Variants in ZNF410 observed in about 807,000 individuals in gnomAD.
ZNF410 encodes zinc finger protein 410.
In ZNF410, 18 loss-of-function variants were observed where a neutral mutation model predicts 54.8. The ratio of observed to expected loss-of-function variants is 0.33; its 90% CI spans 0.23 to 0.49. The LOEUF is 0.49. Among genes scored for constraint, ZNF410 ranks in the 20% least tolerant of loss-of-function variants. The pLI, the probability that ZNF410 is intolerant of heterozygous loss-of-function variation, is 0.99. For missense variants in ZNF410, 405 were observed against 569.6 expected (o/e 0.71, Z 2.94); for synonymous variants, 191 against 207.3 (o/e 0.92, Z 0.68).
At position 73,892,112 on chromosome 14, in the gene ZNF410, C is replaced by T; in HGVS notation, c.-64C>T. Reference sequence around the variant, plus strand: ...GAATATGAACATAACAGGAAGGTATCATTGGCTCTGAATTAAATTTGAACT... The same window carrying T: ...GAATATGAACATAACAGGAAGGTATTATTGGCTCTGAATTAAATTTGAACT... On this transcript the variant is annotated 5_prime_UTR_variant, in exon 2 of 12. Transcript: ENST00000555044. 3.9e-6 allele frequency: 6 copies of T among 1,528,116 alleles called. No individual in the cohort carries two copies. The highest frequency in any genetic ancestry group is 5.4e-6 in the Non-Finnish European group (6 of 1,101,674). The allele number at this position is 1,528,116 out of a possible 1,614,324, so 94.7% of individuals were successfully genotyped here.
At chr14:73,898,355 T>C (rs753847451) in intron 5 of ZNF410, 93 bp downstream of exon 5, 2 of 1,293,452 alleles carry the variant, frequency 1.5e-6, no homozygotes, top group East Asian at 2.5e-5. Flanking sequence ...ATTTAAATTA[T>C]TCTATTGATG....
intron 5 of ZNF410, among the ~76,000 whole-genome samples, chr14:73,900,615 T>C (rs2055390805): frequency 6.6e-6 from 1 of 152,138 alleles, no homozygotes; most frequent in Non-Finnish European, 1.5e-5. Flanking sequence ...CCCAAGGTGA[T>C]CTGCCTGCCT....
chr14:73,902,217 T>C (rs12590001), intron 5 of ZNF410: 127,949 of 151,184 alleles, frequency 0.85, 54,419 homozygotes, highest in East Asian at 0.94. Context: ...TACAGGCTCC[T>C]GCCACCATGC....
chr14:73,889,348 A>AT (rs1315829271), intron 1 of ZNF410, among the ~76,000 whole-genome samples: 1 of 144,692 alleles, frequency 6.9e-6, no homozygotes, highest in East Asian at 2.2e-4. Context: ...TAATTGAAAA[A>AT]TTTTTTTTTG....
chr14:73,929,531 A>G (rs900694310), intron 11 of ZNF410, among the ~76,000 whole-genome samples: 1 of 152,192 alleles, frequency 6.6e-6, no homozygotes, highest in Non-Finnish European at 1.5e-5. Flanking sequence ...CAAGAATATC[A>G]GAGAACAACC....
At chr14:73,900,710 A>G (rs1221950716) in intron 5 of ZNF410, among the ~76,000 whole-genome samples, 1 of 151,804 alleles carries the variant, frequency 6.6e-6, no homozygotes, top group Non-Finnish European at 1.5e-5. Context: ...AAATATATCA[A>G]TATTGCTTTC....
intron 1 of ZNF410, among the ~76,000 whole-genome samples, chr14:73,890,937 G>A (rs1194962413): frequency 6.6e-6 from 1 of 152,136 alleles, no homozygotes; most frequent in East Asian, 1.9e-4. Context: ...GAACCTGGGA[G>A]GCAGAGGTTG....
intron 8 of ZNF410, among the ~76,000 whole-genome samples, chr14:73,919,065 G>A (rs547553903): frequency 7.6e-6 from 1 of 131,872 alleles, no homozygotes; most frequent in Non-Finnish European, 1.5e-5. Flanking sequence ...GAGTGCAGTG[G>A]CATGATCTTG....
chr14:73,894,239 A>G, intron 3 of ZNF410: 1 of 673,984 alleles, frequency 1.5e-6, no homozygotes, highest in Non-Finnish European at 2.7e-6. Context: ...AAAGACTAAA[A>G]TAGTTGGATG....
At chr14:73,890,270 C>T (rs533101504) in intron 1 of ZNF410, among the ~76,000 whole-genome samples, 1 of 151,806 alleles carries the variant, frequency 6.6e-6, no homozygotes, top group African/African-American at 2.4e-5. Context: ...CTCACTGCAA[C>T]CTCCATCTCT....
chr14:73,912,221 G>A (rs1353220417), intron 8 of ZNF410, among the ~76,000 whole-genome samples: 2 of 148,552 alleles, frequency 1.3e-5, no homozygotes, highest in African/African-American at 5.0e-5. Flanking sequence ...CCAGGCGAGA[G>A]TGCAGTGGCG....
intron 11 of ZNF410, among the ~76,000 whole-genome samples, chr14:73,931,277 T>G (rs567292209): frequency 6.6e-6 from 1 of 152,178 alleles, no homozygotes; most frequent in Non-Finnish European, 1.5e-5. Flanking sequence ...CTCAGAATAT[T>G]TGATTGCCAG....
intron 8 of ZNF410, among the ~76,000 whole-genome samples, chr14:73,910,099 T>C (rs1446937450): frequency 6.6e-6 from 1 of 152,152 alleles, no homozygotes; most frequent in Non-Finnish European, 1.5e-5. Context: ...AGGACTTTTT[T>C]CCTGTAGGAC....
chr14:73,906,044 G>C (rs1318732198), intron 7 of ZNF410, among the ~76,000 whole-genome samples: 1 of 148,042 alleles, frequency 6.8e-6, no homozygotes, highest in Non-Finnish European at 1.5e-5. Context: ...CTGTTGCCAG[G>C]CTGGAGTGCA....
At chr14:73,903,911 A>T in intron 5 of ZNF410, 49 bp from the exon 6 acceptor site, 1 of 1,607,306 alleles carries the variant, frequency 6.2e-7, no homozygotes, top group Non-Finnish European at 8.5e-7. Flanking sequence ...GAGCCTAAGT[A>T]TCTGAGTAGG....
In ZNF410 at chr14:73,932,022, C is replaced by T. The variant is rs147590512; in HGVS notation, c.*481C>T. 1.4e-3 allele frequency: 656 copies of T among 456,470 alleles called. 7 individuals are homozygous for T. Among genetic ancestry groups the T allele is most frequent in the South Asian group, 3.7e-3 (242 of 64,562 alleles). 28.3% of individuals were successfully genotyped at this position (456,470 alleles called of 1,614,324 possible). A position where few individuals can be genotyped will look rare whatever the true frequency, so the allele number is the denominator to read the frequency against. ...GGGAGTGATGTCAATTCTCTTGTTA[C>T]ATTCTCCCTTTAGCAACCTGAGTAA... is the stretch of plus-strand genomic sequence containing the variant. On this transcript the variant is annotated 3_prime_UTR_variant, in exon 12 of 12. Transcript: ENST00000555044.
chr14:73,904,829 A>G (rs1036460418), intron 6 of ZNF410, 73 bp from the exon 7 acceptor site: 19 of 1,519,208 alleles, frequency 1.3e-5, no homozygotes, highest in Middle Eastern at 1.9e-4. Context: ...TTGAGAGTCA[A>G]TAGGGGCTTT....
At chr14:73,905,968 C>CACACACATATATATAT (rs1461702433) in intron 7 of ZNF410, among the ~76,000 whole-genome samples, 2 of 78,934 alleles carry the variant, frequency 2.5e-5, no homozygotes, top group African/African-American at 8.4e-5. Flanking sequence ...CACACACACA[C>CACACACATATATATAT]ATATATATAT....
intron 8 of ZNF410, among the ~76,000 whole-genome samples, chr14:73,909,848 G>C (rs1362627924): frequency 1.3e-5 from 2 of 152,204 alleles, no homozygotes; most frequent in Admixed American, 6.5e-5. Flanking sequence ...GCAGGTGTTA[G>C]TGATCCTGCT....
Sources: gnomAD v4.1 joint callset for allele counts (sites outside exome capture counted in the v4.1 genomes callset) on GRCh38, gnomAD v4.1.1 for gene constraint, MANE v1.5 for transcripts, NCBI Gene and HGNC (gene_info 2026-07-23, HGNC 2026-07-21) for gene names.